Variants in CDK8 observed in about 807,000 individuals in gnomAD.
CDK8 encodes cyclin-dependent kinase 8.
CDK8 carries 29 observed loss-of-function variants against 71.5 expected under a neutral mutation model. The ratio of observed to expected loss-of-function variants is 0.41; its 90% CI spans 0.30 to 0.55. The LOEUF is 0.55. Ranked by LOEUF, CDK8 falls within the 20% of genes least tolerant of loss-of-function variation. CDK8 has a pLI of 0.37. For missense variants in CDK8, 288 were observed against 572.6 expected, an observed-to-expected ratio of 0.50 and a Z score of 5.07; for synonymous variants, 161 against 192.1, an observed-to-expected ratio of 0.84 and a Z score of 1.34.
intron 2 of CDK8, among the ~76,000 whole-genome samples, chr13:26,340,021 TC>T (rs1236129509): frequency 1.3e-5 from 2 of 151,958 alleles, no homozygotes; most frequent in Non-Finnish European, 2.9e-5. Flanking sequence ...CTTTCACTGT[TC>T]AGTATAATGA....
At chr13:26,397,391 A>G (rs1465154673) in intron 9 of CDK8, among the ~76,000 whole-genome samples, 166 bp downstream of exon 9, 2 of 152,070 alleles carry the variant, frequency 1.3e-5, no homozygotes, top group Non-Finnish European at 2.9e-5. Context: ...ACAATAAACT[A>G]TTTGCTCTTC....
chr13:26,362,610 C>T (rs887148595), intron 4 of CDK8, among the ~76,000 whole-genome samples: 2 of 152,120 alleles, frequency 1.3e-5, no homozygotes, highest in African/African-American at 2.4e-5. Flanking sequence ...TGGGCCCTCA[C>T]CTAATAAGAT....
At chr13:26,340,524 G>A (rs531030923) in intron 2 of CDK8, among the ~76,000 whole-genome samples, 1 of 152,104 alleles carries the variant, frequency 6.6e-6, no homozygotes, top group East Asian at 1.9e-4. Context: ...TTTTTATTTA[G>A]TTTGGAAATT....
chr13:26,292,047 A>G (rs1873327850), intron 1 of CDK8, among the ~76,000 whole-genome samples: 1 of 152,362 alleles, frequency 6.6e-6, no homozygotes, highest in Non-Finnish European at 1.5e-5. Context: ...AGATTCATAC[A>G]TTATGTTCAT....
In CDK8 at chr13:26,349,102, A is replaced by T; in HGVS notation, c.235A>T (p.Ile79Phe). The change falls in exon 3 of 13, where the codon ATT becomes TTT. Residue 79 changes from isoleucine (I) to phenylalanine (F), a missense_variant. Ile to Phe is a conservative substitution (Grantham distance 21, BLOSUM62 0). Coordinates refer to ENST00000381527, the MANE Select transcript of CDK8 (RefSeq NM_001260.3). ...TCGAGAGCTTAAGCATCCAAACGTC[A>T]TTTCTCTTCAAAAGGTGTTTCTGTC... Reference protein sequence around the residue: ...LLRELKHPNVISLQKVFLSHA... With the variant: ...LLRELKHPNVFSLQKVFLSHA... The T allele has an allele frequency of 6.2e-7, 1 of 1,612,954 alleles. No homozygotes were observed. Among genetic ancestry groups the T allele is most frequent in the Non-Finnish European group, 8.5e-7 (1 of 1,179,104 alleles).
At chr13:26,382,525 A>G (rs977111405) in intron 4 of CDK8, among the ~76,000 whole-genome samples, 38 of 152,250 alleles carry the variant, frequency 2.5e-4, no homozygotes, top group African/African-American at 8.2e-4. Flanking sequence ...AGGAACCACA[A>G]CATGACTTTG....
In CDK8 at chr13:26,318,186, C is replaced by T. The variant is rs141308137; in HGVS notation, c.129-19381C>T. ...AGTTGTATGCCAATAAATCAGATAACCTAGATGAACTGGACCAATTCCTAC... is the reference window on the plus strand; with the variant it reads ...AGTTGTATGCCAATAAATCAGATAATCTAGATGAACTGGACCAATTCCTAC... On this transcript the variant is annotated intron_variant, in intron 1 of 12. Transcript: ENST00000381527. Among the ~76,000 whole-genome samples, 18 of 151,982 alleles carry T rather than the reference C, an allele frequency of 1.2e-4. No homozygotes were observed. In the East Asian group the frequency reaches 3.3e-3, roughly 28 times the overall value.
Position 26,353,898 on chromosome 13 carries a change from TG to T in CDK8, c.456+20del, listed in dbSNP as rs758969455. 1 of 1,609,314 alleles carries T rather than the reference TG, an allele frequency of 6.2e-7. No homozygotes were observed. The highest frequency in any genetic ancestry group is 8.5e-7 in the Non-Finnish European group (1 of 1,175,812). ...GAGATTTGGTAAGTTGACCTGTAAT[TG>T]GTTTAAACTAGAAAGATGCATTACA... On this transcript the variant is annotated intron_variant, in intron 4 of 12. Transcript: ENST00000381527.
At chr13:26,274,484 T>A (rs1014305151) in intron 1 of CDK8, among the ~76,000 whole-genome samples, 1 of 151,610 alleles carries the variant, frequency 6.6e-6, no homozygotes, top group Non-Finnish European at 1.5e-5. Flanking sequence ...CAGGCTGGAG[T>A]GCAGTGGCAC....
At chr13:26,356,238 T>C (rs1432136533) in intron 4 of CDK8, among the ~76,000 whole-genome samples, 1 of 152,238 alleles carries the variant, frequency 6.6e-6, no homozygotes, top group African/African-American at 2.4e-5. Context: ...AGTTGCTTTT[T>C]ATTGTCACTA....
intron 1 of CDK8, among the ~76,000 whole-genome samples, chr13:26,312,720 G>T (rs535542452): frequency 6.6e-6 from 1 of 152,148 alleles, no homozygotes; most frequent in East Asian, 1.9e-4. Flanking sequence ...CCAATTCCGG[G>T]CACAGAGGGG....
chr13:26,272,837 A>G (rs1228901550), intron 1 of CDK8, among the ~76,000 whole-genome samples: 2 of 152,190 alleles, frequency 1.3e-5, no homozygotes, highest in Non-Finnish European at 2.9e-5. Context: ...TTTCAGCTCT[A>G]TTTTAATCTT....
chr13:26,393,513 A>G lies in CDK8; in HGVS notation c.790+3A>G. The stretch of plus-strand genomic sequence containing the variant: ...CAATGTAATGGGATTTCCTGCAGGT[A>G]CACATTATTCGTTTTTGTTTTTGTT... On this transcript the variant is annotated splice_donor_region_variant and intron_variant, in intron 7 of 12. Coordinates refer to ENST00000381527, the MANE Select transcript of CDK8 (RefSeq NM_001260.3). 6.2e-7 allele frequency: 1 copy of G among 1,611,982 alleles called. No individual in the cohort carries two copies. Among genetic ancestry groups the G allele is most frequent in the South Asian group, 1.1e-5 (1 of 90,768 alleles).
intron 4 of CDK8, among the ~76,000 whole-genome samples, chr13:26,365,547 G>T (rs534739642): frequency 1.7e-4 from 26 of 152,170 alleles, no homozygotes; most frequent in South Asian, 1.5e-3. Context: ...CACCAATCAA[G>T]AATGGTTATT....
intron 1 of CDK8, among the ~76,000 whole-genome samples, chr13:26,280,274 C>T (rs1872691258): frequency 6.6e-6 from 1 of 152,170 alleles, no homozygotes; most frequent in South Asian, 2.1e-4. Flanking sequence ...TATACTGTAA[C>T]TGAAATAGCA....
chr13:26,336,462 A>T (rs1421070086), intron 1 of CDK8, among the ~76,000 whole-genome samples: 2 of 152,138 alleles, frequency 1.3e-5, no homozygotes, highest in Non-Finnish European at 2.9e-5. Flanking sequence ...CAGGGTCCAC[A>T]GTAATTTTCA....
At chr13:26,319,658 GC>G (rs1368564582) in intron 1 of CDK8, among the ~76,000 whole-genome samples, 1 of 148,266 alleles carries the variant, frequency 6.7e-6, no homozygotes, top group Non-Finnish European at 1.5e-5. Flanking sequence ...CAGATTTAGT[GC>G]AACAACTATC....
Position 26,268,438 on chromosome 13 carries a change from C to T in CDK8, c.128+13669C>T, listed in dbSNP as rs1315670728. 3.3e-5 allele frequency among the ~76,000 whole-genome samples: 5 copies of T among 152,146 alleles called. No homozygotes were observed. In the South Asian group the frequency reaches 8.3e-4, roughly 25 times the overall value. ...TTAACCCATTCTCCCACCTCAGCCT[C>T]CTGAATGGCTGGGATTACAGGCATG... On this transcript the variant is annotated intron_variant, in intron 1 of 12. Transcript: ENST00000381527.
intron 1 of CDK8, among the ~76,000 whole-genome samples, chr13:26,267,674 A>G (rs1030462400): frequency 6.6e-6 from 1 of 152,146 alleles, no homozygotes; most frequent in African/African-American, 2.4e-5. Context: ...TTATCAGTTC[A>G]TCGTTTTGTT....
Sources: allele counts gnomAD v4.1 joint callset (sites outside exome capture counted in the v4.1 genomes callset), GRCh38; gene constraint gnomAD v4.1.1; transcripts MANE v1.5; gene names NCBI Gene and HGNC (gene_info 2026-07-23, HGNC 2026-07-21).